The following HNRNPM variants were observed in gnomAD, a reference collection of about 807,000 sequenced individuals.
The protein encoded by HNRNPM is CEA receptor.
Under a neutral mutation model 73.1 loss-of-function variants are expected in HNRNPM, and 11 were observed. That is an observed-to-expected ratio of 0.15 (90% confidence interval 0.09 to 0.25). The LOEUF (loss-of-function observed/expected upper bound fraction) is 0.25, where lower values mean the gene tolerates loss of function less well. Among genes scored for constraint, HNRNPM ranks in the 10% least tolerant of loss-of-function variants. The pLI is 1.00. For missense variants in HNRNPM, 789 were observed against 1,067.9 expected, an observed-to-expected ratio of 0.74 and a Z score of 3.64; for synonymous variants, 407 against 355.2, an observed-to-expected ratio of 1.15 and a Z score of -1.64.
intron 1 of HNRNPM, among the ~76,000 whole-genome samples, chr19:8,446,080 G>A (rs2145593669): frequency 6.6e-6 from 1 of 152,314 alleles, no homozygotes. Context: ...TCCAAGATCA[G>A]CGGCCGGGAA....
chr19:8,466,154 C>T (rs1289717773), intron 6 of HNRNPM, 81 bp from the exon 7 acceptor site: 2 of 1,336,822 alleles, frequency 1.5e-6, no homozygotes, highest in African/African-American at 1.5e-5. Context: ...CCAACCAAAG[C>T]ATGTATCATT....
At position 8,473,666 on chromosome 19, in the gene HNRNPM, A is replaced by G; in HGVS notation, c.1000A>G (p.Met334Val). The stretch of plus-strand genomic sequence containing the variant: ...TGCATTGACTTTTTCTTTTTAAGGA[A>G]TGGGAATGGAAGGCATAGGATTTGG... ...IGMGNIGPAG[M>V]GMEGIGFGIN... is the part of the protein sequence containing the mutation. Residue 334 changes from methionine (M) to valine (V), a missense_variant and splice_region_variant, in exon 11 of 16, where the codon ATG (methionine) becomes GTG (valine). By Grantham distance (21) the Met-to-Val change is conservative. This residue lies in a region of HNRNPM where 604 missense variants were observed against 744.0 expected (regional missense o/e 0.81). Transcript: ENST00000325495. 3 of 1,566,650 alleles carry G rather than the reference A, an allele frequency of 1.9e-6. No homozygotes were observed. The highest frequency in any genetic ancestry group is 1.1e-5 in the South Asian group (1 of 89,142).
In HNRNPM at chr19:8,488,848, C is replaced by A. The variant is rs377572358; in HGVS notation, c.2187C>A (p.Asn729Lys). 1 of 1,609,018 alleles carries A rather than the reference C, an allele frequency of 6.2e-7. No homozygotes were observed. The highest frequency in any genetic ancestry group is 1.1e-5 in the South Asian group (1 of 90,866). Residue 729 changes from asparagine (N) to lysine (K), a missense_variant, in exon 16 of 16, where the codon AAC becomes AAA. This residue lies in a region of HNRNPM where 43 missense variants were observed against 105.8 expected (regional missense o/e 0.41). Coordinates refer to ENST00000325495, the MANE Select transcript of HNRNPM (RefSeq NM_005968.5). ...AGATTGACGTTCGAATTGATAGAAACGCTTAAGCAGTTGCCTTTTTTAAAC... is the reference window on the plus strand; with the variant it reads ...AGATTGACGTTCGAATTGATAGAAAAGCTTAAGCAGTTGCCTTTTTTAAAC... ...GREIDVRIDR[N>K]A is the part of the protein sequence containing the mutation.
chr19:8,464,773 A>G (rs968533376), intron 5 of HNRNPM, among the ~76,000 whole-genome samples: 1 of 152,124 alleles, frequency 6.6e-6, no homozygotes, highest in Non-Finnish European at 1.5e-5. Flanking sequence ...AATTGACAGG[A>G]CAGAGAGTTG....
chr19:8,474,279 C>G (rs1970354098), intron 12 of HNRNPM, 35 bp downstream of exon 12: 1 of 1,485,988 alleles, frequency 6.7e-7, no homozygotes, highest in Non-Finnish European at 9.1e-7. Flanking sequence ...TTTCACTCAC[C>G]CTTTGCCGGC....
rs1968947558 is a variant in HNRNPM, at chr19:8,455,585, T to G, written c.283+11T>G. ...TGGTTAAAGAAAAAGGTAATGGTACTGGTGATTGAGTAGGGTGAGAAGGTT... is the reference window on the plus strand; with the variant it reads ...TGGTTAAAGAAAAAGGTAATGGTACGGGTGATTGAGTAGGGTGAGAAGGTT... On this transcript the variant is annotated intron_variant, in intron 2 of 15. Transcript: ENST00000325495. 6.2e-7 allele frequency: 1 copy of G among 1,606,848 alleles called. No individual in the cohort carries two copies. Among genetic ancestry groups the G allele is most frequent in the Non-Finnish European group, 8.5e-7 (1 of 1,174,982 alleles).
intron 2 of HNRNPM, among the ~76,000 whole-genome samples, chr19:8,459,925 A>G (rs368581280): frequency 6.6e-6 from 1 of 152,154 alleles, no homozygotes; most frequent in Non-Finnish European, 1.5e-5. Context: ...AGTTTTTTCA[A>G]TATTTTGATG....
chr19:8,482,806 G>A, intron 12 of HNRNPM: 1 of 191,946 alleles, frequency 5.2e-6, no homozygotes, highest in Non-Finnish European at 1.1e-5. Context: ...CTGAGAGCCT[G>A]GACCAGCTTT....
At position 8,448,942 on chromosome 19, in the gene HNRNPM, C is replaced by T. The variant is rs540719396; in HGVS notation, c.113+3831C>T. On this transcript the variant is annotated intron_variant, in intron 1 of 15. Coordinates refer to ENST00000325495, the MANE Select transcript of HNRNPM (RefSeq NM_005968.5). ...CGTTTTAAACACTTAAACCCAGGTT[C>T]AGGAACCTGACCTAAAGACTCCAGG... Among the ~76,000 whole-genome samples, 16 of 152,318 alleles carry T rather than the reference C, an allele frequency of 1.1e-4. No individual in the cohort carries two copies. In the South Asian group the frequency reaches 3.3e-3, roughly 32 times the overall value.
At chr19:8,452,517 A>C (rs951348205) in intron 1 of HNRNPM, among the ~76,000 whole-genome samples, 1 of 152,202 alleles carries the variant, frequency 6.6e-6, no homozygotes, top group Non-Finnish European at 1.5e-5. Flanking sequence ...GGAGTAGACA[A>C]GTGGCCTGGG....
In HNRNPM at chr19:8,483,523, T is replaced by G. The variant is rs991525283; in HGVS notation, c.1174+312T>G. Among the ~76,000 whole-genome samples the G allele has an allele frequency of 3.9e-5, 6 of 152,256 alleles. No homozygotes were observed. The South Asian group carries it at 1.2e-3, about 32-fold the overall frequency. On this transcript the variant is annotated intron_variant, in intron 13 of 15. Transcript: ENST00000325495. ...CTTCATTGTTAGAGTACCTCTCTTTTGGGGGTTTTGTTTTCCACATTATAA... is the reference window on the plus strand; with the variant it reads ...CTTCATTGTTAGAGTACCTCTCTTTGGGGGGTTTTGTTTTCCACATTATAA...
In HNRNPM at chr19:8,487,003, C is replaced by A. The variant is rs372981354; in HGVS notation, c.1978-21C>A. 30 of 1,606,834 alleles carry A rather than the reference C, an allele frequency of 1.9e-5. No individual in the cohort carries two copies. The African/African-American group carries it at 3.7e-4, about 20-fold the overall frequency. On this transcript the variant is annotated intron_variant, in intron 14 of 15. Coordinates refer to ENST00000325495, the MANE Select transcript of HNRNPM (RefSeq NM_005968.5). Reference sequence around the variant, plus strand: ...ATTTGGTTTAATCACGCATCAGTCTCCCTTTTCTTCTCCCCTTCAGCTGCC... The same window carrying A: ...ATTTGGTTTAATCACGCATCAGTCTACCTTTTCTTCTCCCCTTCAGCTGCC...
At chr19:8,467,393 G>A in intron 7 of HNRNPM, 142 bp from the exon 8 acceptor site, 1 of 637,858 alleles carries the variant, frequency 1.6e-6, no homozygotes, top group African/African-American at 1.8e-5. Flanking sequence ...GTTTATTGTT[G>A]AAAGTATAAT....
chr19:8,457,350 T>A (rs1040735972), intron 2 of HNRNPM, among the ~76,000 whole-genome samples: 7 of 152,204 alleles, frequency 4.6e-5, no homozygotes, highest in Admixed American at 2.0e-4. Context: ...TTTTGCACTC[T>A]TAAGTGTGGA....
chr19:8,463,753 G>T (rs1393873512), intron 5 of HNRNPM, 67 bp downstream of exon 5: 2 of 1,094,600 alleles, frequency 1.8e-6, no homozygotes, highest in South Asian at 1.3e-5. Context: ...TGGAATTAGG[G>T]AAAGACGGTC....
intron 15 of HNRNPM, chr19:8,488,299 C>G (rs1213786510): frequency 1.3e-5 from 2 of 159,032 alleles, no homozygotes; most frequent in Admixed American, 1.3e-4. Flanking sequence ...TAAGTGAAAC[C>G]TGCTGGCTTT....
In HNRNPM at chr19:8,462,165, G is replaced by A. The variant is rs1969447392; in HGVS notation, c.284-364G>A. 4.8e-6 allele frequency: 1 copy of A among 208,076 alleles called. No individual in the cohort carries two copies. The highest frequency in any genetic ancestry group is 9.9e-6 in the Non-Finnish European group (1 of 101,232). The allele number at this position is 208,076 out of a possible 1,614,324, so 12.9% of individuals were successfully genotyped here. A position where few individuals can be genotyped will look rare whatever the true frequency, so the allele number is the denominator to read the frequency against. ...TGCATTTCACCTGCTTGCCACCAAT[G>A]AGAGCGTATGTGTAAAACCTCCTCC... On this transcript the variant is annotated intron_variant, in intron 2 of 15. Coordinates refer to ENST00000325495, the MANE Select transcript of HNRNPM (RefSeq NM_005968.5). The surrounding 1 kb of genome is among the most constrained non-coding windows in gnomAD (Gnocchi z 4.5).
At chr19:8,451,135 G>A (rs1244626238) in intron 1 of HNRNPM, among the ~76,000 whole-genome samples, 2 of 152,058 alleles carry the variant, frequency 1.3e-5, no homozygotes, top group Non-Finnish European at 2.9e-5. Context: ...TCAAACTCCT[G>A]ACCTAAGATA....
chr19:8,480,898 CCTT>C (rs1010030277), intron 12 of HNRNPM, among the ~76,000 whole-genome samples: 14 of 152,274 alleles, frequency 9.2e-5, no homozygotes, highest in Admixed American at 2.6e-4. Flanking sequence ...TGCGGTTACA[CCTT>C]CTTTCTGATT....
Sources: allele counts gnomAD v4.1 joint callset (sites outside exome capture counted in the v4.1 genomes callset), GRCh38; gene constraint gnomAD v4.1.1; regional missense constraint gnomAD v4.1.1; non-coding constraint Gnocchi (gnomAD v3.1); transcripts MANE v1.5; gene names NCBI Gene and HGNC (gene_info 2026-07-23, HGNC 2026-07-21).